The following TDRD12 variants were observed in gnomAD, a reference collection of about 807,000 sequenced individuals.
The protein encoded by TDRD12 is tudor domain containing 12.
In TDRD12, 158 loss-of-function variants were observed where a neutral mutation model predicts 133.5. The observed-to-expected ratio is 1.18, with a 90% confidence interval of 1.04 to 1.35. The LOEUF is 1.35. Among genes scored for constraint, TDRD12 ranks in the 40% most tolerant of loss-of-function variants. The pLI is 0.00. For missense variants in TDRD12, 1,443 were observed against 1,321.3 expected (o/e 1.09, Z -1.43); for synonymous variants, 460 against 477.9 (o/e 0.96, Z 0.49).
At chr19:32,783,297 G>T (rs1214619174) in intron 11 of TDRD12, among the ~76,000 whole-genome samples, 1 of 152,108 alleles carries the variant, frequency 6.6e-6, no homozygotes, top group African/African-American at 2.4e-5. Context: ...TATTTCTGAG[G>T]CCTGTGTTCT....
chr19:32,743,556 A>G (rs575582714), intron 4 of TDRD12, among the ~76,000 whole-genome samples: 1 of 152,088 alleles, frequency 6.6e-6, no homozygotes, highest in Admixed American at 6.6e-5. Flanking sequence ...CCCATGGAGC[A>G]TTATAAAAGA....
chr19:32,760,560 C>T (rs988066311), intron 8 of TDRD12, among the ~76,000 whole-genome samples: 6 of 152,140 alleles, frequency 3.9e-5, no homozygotes, highest in Non-Finnish European at 7.4e-5. Flanking sequence ...CAGGATGTCC[C>T]CTAGAGATAA....
rs181462686 is a variant in TDRD12 at position 32,730,217 on chromosome 19, T to C, written c.25-1508T>C. On this transcript the variant is annotated intron_variant, in intron 1 of 27. Coordinates refer to ENST00000444215, the Ensembl canonical transcript of TDRD12. ...AGGGCTCCCCCTCTGTGGCTCTCCG[T>C]TTAGGAATTTTACCCTTTAATTCTC... is the stretch of plus-strand genomic sequence containing the variant. 3.9e-5 allele frequency among the ~76,000 whole-genome samples: 6 copies of C among 152,302 alleles called. No individual in the cohort carries two copies. The East Asian group carries it at 5.8e-4, about 15-fold the overall frequency.
chr19:32,737,485 G>A lies in TDRD12; in HGVS notation c.184-1371G>A, dbSNP rs193068330. The stretch of plus-strand genomic sequence containing the variant: ...CTCCCAAAGTGCTGGGACCACAGGC[G>A]TGAACCACCATGCCTGGCCCAGGTA... On this transcript the variant is annotated intron_variant, in intron 2 of 27. Coordinates refer to ENST00000444215, the Ensembl canonical transcript of TDRD12. 1.5e-3 allele frequency among the ~76,000 whole-genome samples: 230 copies of A among 152,164 alleles called. 1 individual carries two copies. Among genetic ancestry groups the A allele is most frequent in the African/African-American group, 5.4e-3 (222 of 41,488 alleles).
rs964062550 is a variant in TDRD12 at position 32,752,151 on chromosome 19, G to A, written c.582+2282G>A. Among the ~76,000 whole-genome samples the A allele has an allele frequency of 5.3e-5, 8 of 151,930 alleles. 1 individual carries two copies. Among genetic ancestry groups the A allele is most frequent in the Admixed American group, 3.9e-4 (6 of 15,236 alleles). On this transcript the variant is annotated intron_variant, in intron 6 of 27. Coordinates refer to ENST00000444215, the Ensembl canonical transcript of TDRD12. The stretch of plus-strand genomic sequence containing the variant: ...AGCCTCCCAAAGTGCTGGGATTACA[G>A]GCATTAGCCATCACACCCAGCCCCC...
intron 27 of TDRD12, among the ~76,000 whole-genome samples, chr19:32,820,626 T>C (rs996226772): frequency 1.3e-5 from 2 of 152,220 alleles, no homozygotes; most frequent in Non-Finnish European, 2.9e-5. Flanking sequence ...TAATTTCTTT[T>C]TTATGCAAAG....
At chr19:32,753,721 G>A (rs1391335219) in intron 6 of TDRD12, among the ~76,000 whole-genome samples, 1 of 139,196 alleles carries the variant, frequency 7.2e-6, no homozygotes, top group African/African-American at 2.7e-5. Context: ...GTTTCACTGT[G>A]TTAGCCAGGA....
intron 2 of TDRD12, 66 bp downstream of exon 2, chr19:32,731,949 G>A (rs1042380054): frequency 4.3e-6 from 6 of 1,408,894 alleles, no homozygotes; most frequent in East Asian, 5.2e-5. Context: ...AACTATTTTG[G>A]CAACGATGAT....
At chr19:32,798,465 A>G (rs757910159) in intron 16 of TDRD12, 30 bp downstream of exon 16, 23 of 1,501,422 alleles carry the variant, frequency 1.5e-5, no homozygotes, top group Non-Finnish European at 2.1e-5. Context: ...CTCAGCACTC[A>G]GAAGAGAGGC....
intron 11 of TDRD12, among the ~76,000 whole-genome samples, chr19:32,788,333 A>G (rs978890047): frequency 6.6e-6 from 1 of 151,984 alleles, no homozygotes; most frequent in South Asian, 2.1e-4. Context: ...GCTGGTCTCA[A>G]ACTCCTGACC....
At chr19:32,790,613 G>A in intron 12 of TDRD12, 22 bp downstream of exon 12, 5 of 1,551,506 alleles carry the variant, frequency 3.2e-6, no homozygotes, top group Non-Finnish European at 4.4e-6. Flanking sequence ...CCTAAAAAAA[G>A]TAAAATAAAA....
At chr19:32,797,041 C>T (rs1217111424) in intron 14 of TDRD12, among the ~76,000 whole-genome samples, 1 of 148,600 alleles carries the variant, frequency 6.7e-6, no homozygotes, top group Non-Finnish European at 1.5e-5. Flanking sequence ...AGTGCAGTGG[C>T]TCCATCTCGG....
chr19:32,797,796 G>A, exon 15 of TDRD12: 2 of 702,172 alleles, frequency 2.8e-6, no homozygotes, highest in Non-Finnish European at 5.2e-6. Context: ...GAATTATTGG[G>A]AGAATATAGC....
intron 6 of TDRD12, among the ~76,000 whole-genome samples, chr19:32,754,178 C>G (rs895633284): frequency 3.9e-5 from 6 of 152,064 alleles, no homozygotes; most frequent in African/African-American, 1.4e-4. Context: ...GTAAAAATAC[C>G]AAAATCAGCC....
At chr19:32,813,755 T>C in exon 25 of TDRD12, 1 of 1,534,064 alleles carries the variant, frequency 6.5e-7, no homozygotes, top group Non-Finnish European at 8.7e-7. Flanking sequence ...CTTTGGGAAA[T>C]ACAGTTTGGA....
At chr19:32,765,553 G>A (rs1373065716) in intron 8 of TDRD12, among the ~76,000 whole-genome samples, 3 of 152,058 alleles carry the variant, frequency 2.0e-5, no homozygotes, top group South Asian at 2.1e-4. Flanking sequence ...GGAATACTAC[G>A]CAGCCATAAA....
At chr19:32,733,749 G>A (rs1349124719) in intron 2 of TDRD12, among the ~76,000 whole-genome samples, 1 of 152,034 alleles carries the variant, frequency 6.6e-6, no homozygotes, top group Non-Finnish European at 1.5e-5. Context: ...GGCACTCGAT[G>A]TGGGGTTTTC....
chr19:32,817,930 T>G (rs1967237696), intron 26 of TDRD12, among the ~76,000 whole-genome samples, 159 bp from the exon 27 acceptor site: 1 of 143,660 alleles, frequency 7.0e-6, no homozygotes, highest in African/African-American at 2.6e-5. Flanking sequence ...GCATCCTAGA[T>G]CTGTAGGGCC....
chr19:32,817,952 G>GA, intron 26 of TDRD12, 137 bp from the exon 27 acceptor site: 1 of 659,882 alleles, frequency 1.5e-6, no homozygotes, highest in Non-Finnish European at 2.7e-6. Flanking sequence ...GGTAGCTTTA[G>GA]AAGCAGGCCT....
Sources: gnomAD v4.1 joint callset for allele counts (sites outside exome capture counted in the v4.1 genomes callset) on GRCh38, gnomAD v4.1.1 for gene constraint, MANE v1.5 for transcripts, NCBI Gene and HGNC (gene_info 2026-07-23, HGNC 2026-07-21) for gene names.